ACVR1: variants seen among roughly 807,000 people sequenced by gnomAD.
ACVR1 encodes activin receptor type-1.
Under a neutral mutation model 57.1 loss-of-function variants are expected in ACVR1, and 38 were observed. The observed-to-expected ratio is 0.67, with a 90% CI of 0.51 to 0.87. ACVR1 has a LOEUF of 0.87. Ranked by LOEUF, ACVR1 falls within the 40% of genes least tolerant of loss-of-function variation. The probability of loss-of-function intolerance (pLI) is 0.00; values close to 1 mark genes in which losing one functional copy is unlikely to be tolerated. For missense variants in ACVR1, 463 were observed against 638.2 expected, an observed-to-expected ratio of 0.73 and a Z score of 2.96; for synonymous variants, 212 against 228.1, an observed-to-expected ratio of 0.93 and a Z score of 0.63.
At chr2:157,757,368 G>A (rs992646640) in intron 9 of ACVR1, among the ~76,000 whole-genome samples, 3 of 151,772 alleles carry the variant, frequency 2.0e-5, no homozygotes, top group Non-Finnish European at 4.4e-5. Context: ...TCTTTCAAGA[G>A]ATAAATAGAC....
chr2:157,832,462 G>A (rs1688616768), intron 1 of ACVR1, among the ~76,000 whole-genome samples: 1 of 152,174 alleles, frequency 6.6e-6, no homozygotes, highest in Non-Finnish European at 1.5e-5. Flanking sequence ...GTGATGCTTT[G>A]CAGTAGGGGT....
At chr2:157,823,692 T>C (rs963037432) in intron 1 of ACVR1, among the ~76,000 whole-genome samples, 1 of 150,822 alleles carries the variant, frequency 6.6e-6, no homozygotes, top group Admixed American at 6.6e-5. Flanking sequence ...AATTACAGAG[T>C]GTAATTAAGT....
At chr2:157,860,990 G>T (rs1574158899) in intron 1 of ACVR1, among the ~76,000 whole-genome samples, 1 of 152,296 alleles carries the variant, frequency 6.6e-6, no homozygotes, top group East Asian at 1.9e-4. Context: ...GAGTAGCAAG[G>T]TTCTAGCCAT....
intron 1 of ACVR1, among the ~76,000 whole-genome samples, chr2:157,855,315 T>C (rs1344749929): frequency 6.9e-5 from 7 of 101,012 alleles, no homozygotes; most frequent in South Asian, 4.0e-4. Context: ...TGTGTATATA[T>C]ATATATATAC....
intron 1 of ACVR1, among the ~76,000 whole-genome samples, chr2:157,821,314 T>A (rs1688152773): frequency 6.6e-6 from 1 of 152,000 alleles, no homozygotes; most frequent in South Asian, 2.1e-4. Context: ...CCACCTGAGG[T>A]CCAGAGTTCA....
chr2:157,839,762 C>T lies in ACVR1; in HGVS notation c.-182-21203G>A, dbSNP rs147517576. On this transcript the variant is annotated intron_variant, in intron 1 of 10. Coordinates refer to ENST00000434821, the MANE Select transcript of ACVR1 (RefSeq NM_001111067.4). Reference sequence around the variant, plus strand: ...GGGGGATGCCAGACTTACCCAGAAACCACACAAGAACTTAGTACTTTTTGA... The same window carrying T: ...GGGGGATGCCAGACTTACCCAGAAATCACACAAGAACTTAGTACTTTTTGA... Among the ~76,000 whole-genome samples, 542 of 152,276 alleles carry T rather than the reference C, an allele frequency of 3.6e-3. 3 individuals carry two copies. Among genetic ancestry groups the T allele is most frequent in the African/African-American group, 0.012 (517 of 41,548 alleles).
At chr2:157,820,251 A>AT (rs1208947947) in intron 1 of ACVR1, among the ~76,000 whole-genome samples, 1 of 152,236 alleles carries the variant, frequency 6.6e-6, no homozygotes, top group African/African-American at 2.4e-5. Context: ...GAAAGAGCAA[A>AT]AATGCATTTC....
intron 1 of ACVR1, among the ~76,000 whole-genome samples, chr2:157,861,114 G>C (rs1040856607): frequency 6.6e-6 from 1 of 152,218 alleles, no homozygotes; most frequent in African/African-American, 2.4e-5. Context: ...TCAGTTCCCT[G>C]AGATGACCTC....
chr2:157,746,960 A>T (rs969421522), intron 9 of ACVR1, among the ~76,000 whole-genome samples: 1 of 152,064 alleles, frequency 6.6e-6, no homozygotes, highest in East Asian at 1.9e-4. Flanking sequence ...GTAGCAAATA[A>T]ATGTAAAATT....
At chr2:157,826,695 GAGAAGGAAAGGAAAGGA>G (rs1688367173) in intron 1 of ACVR1, 1 of 70,428 alleles carries the variant, frequency 1.4e-5, no homozygotes, top group Non-Finnish European at 3.0e-5. Context: ...GAAAAAGAGA[GAGAAGGAAAGGAAAGGA>G]AAGGAAAGGA....
chr2:157,811,637 CCA>C (rs1183199138), intron 2 of ACVR1, among the ~76,000 whole-genome samples: 1 of 152,006 alleles, frequency 6.6e-6, no homozygotes, highest in Non-Finnish European at 1.5e-5. Flanking sequence ...ATCATTTCAC[CCA>C]CAAATTCTCT....
chr2:157,851,909 A>ACCACCC (rs1689324966), intron 1 of ACVR1, among the ~76,000 whole-genome samples: 1 of 13,606 alleles, frequency 7.3e-5, no homozygotes, highest in Non-Finnish European at 1.9e-4. Flanking sequence ...ACACACACAC[A>ACCACCC]CCACCCCCAC....
intron 9 of ACVR1, among the ~76,000 whole-genome samples, chr2:157,746,846 A>C (rs1684985338): frequency 6.6e-6 from 1 of 152,242 alleles, no homozygotes; most frequent in Non-Finnish European, 1.5e-5. Context: ...TGTCAAATTA[A>C]ACACCAAAAG....
intron 9 of ACVR1, among the ~76,000 whole-genome samples, chr2:157,746,625 C>T (rs1020333795): frequency 3.9e-5 from 6 of 152,222 alleles, no homozygotes; most frequent in African/African-American, 1.2e-4. Context: ...CTGGGAGCCT[C>T]GGCATCACAT....
intron 8 of ACVR1, among the ~76,000 whole-genome samples, chr2:157,761,873 T>C (rs151060512): frequency 3.3e-5 from 5 of 152,324 alleles, no homozygotes; most frequent in Non-Finnish European, 5.9e-5. Flanking sequence ...TTTGTTGTAA[T>C]GAAAAGTGCC....
intron 9 of ACVR1, among the ~76,000 whole-genome samples, chr2:157,750,269 T>C (rs111293146): frequency 0.017 from 2,597 of 152,256 alleles, 67 homozygotes; most frequent in African/African-American, 0.056. Context: ...ACCGCTGCCA[T>C]TGCTGGCCCT....
Position 157,736,840 on chromosome 2 carries a change from T to C in ACVR1, c.*691A>G, listed in dbSNP as rs1167024635. On this transcript the variant is annotated 3_prime_UTR_variant, in exon 11 of 11. Coordinates refer to ENST00000434821, the MANE Select transcript of ACVR1 (RefSeq NM_001111067.4). ...CCACATAAAAATAAGCTTTAACATA[T>C]GCACAAAGCAGTTTTGTAAAAACTA... 2.1e-5 allele frequency: 7 copies of C among 340,582 alleles called. No homozygotes were observed. The highest frequency in any genetic ancestry group is 1.5e-4 in the East Asian group (4 of 25,824). The allele number at this position is 340,582 out of a possible 1,614,324, so 21.1% of individuals were successfully genotyped here.
intron 1 of ACVR1, among the ~76,000 whole-genome samples, chr2:157,818,940 T>A (rs1238181959): frequency 6.7e-6 from 1 of 149,474 alleles, no homozygotes. Flanking sequence ...TAGCCGGGCG[T>A]AGTGGCGGGC....
At chr2:157,754,263 G>C (rs1191404831) in intron 9 of ACVR1, among the ~76,000 whole-genome samples, 3 of 152,132 alleles carry the variant, frequency 2.0e-5, no homozygotes, top group African/African-American at 7.2e-5. Flanking sequence ...ACCAAGATCA[G>C]AGCAGAACTA....
Sources: gnomAD v4.1 joint callset for allele counts (sites outside exome capture counted in the v4.1 genomes callset) on GRCh38, gnomAD v4.1.1 for gene constraint, MANE v1.5 for transcripts, NCBI Gene and HGNC (gene_info 2026-07-23, HGNC 2026-07-21) for gene names.